Variants in NFIB observed in about 807,000 individuals in gnomAD.
NFIB encodes nuclear factor I B.
Under a neutral mutation model 61.5 loss-of-function variants are expected in NFIB, and 11 were observed. The observed-to-expected ratio is 0.18, with a 90% CI of 0.11 to 0.30. NFIB has a LOEUF of 0.30. NFIB is among the 10% of genes least tolerant of loss of function. The probability of loss-of-function intolerance (pLI) is 1.00; values close to 1 mark genes in which losing one functional copy is unlikely to be tolerated. For missense variants in NFIB, 471 were observed against 608.9 expected (o/e 0.77, Z 2.38); for synonymous variants, 260 against 216.5 (o/e 1.20, Z -1.76).
intron 2 of NFIB, among the ~76,000 whole-genome samples, chr9:14,294,749 G>GCTA (rs1376683906): frequency 6.6e-6 from 1 of 152,136 alleles, no homozygotes; most frequent in East Asian, 1.9e-4. Context: ...AGAACCCCTA[G>GCTA]GTACGTGATA....
chr9:14,513,108 G>C, the NFIB span, among the ~76,000 whole-genome samples: 1 of 151,918 alleles, frequency 6.6e-6, no homozygotes, highest in African/African-American at 2.4e-5. Flanking sequence ...GATGCAGAAA[G>C]TATTCTTTTA....
At chr9:14,436,794 TAGTTC>T in the NFIB span, among the ~76,000 whole-genome samples, 73 of 152,328 alleles carry the variant, frequency 4.8e-4, no homozygotes, top group Non-Finnish European at 7.8e-4. Context: ...GGATCTACTA[TAGTTC>T]AGTTATTTTT....
intron 1 of NFIB, among the ~76,000 whole-genome samples, chr9:14,366,753 G>T (rs2061304817): frequency 6.6e-6 from 1 of 151,940 alleles, no homozygotes; most frequent in African/African-American, 2.4e-5. Context: ...CAAAGTGTTG[G>T]GATTACAGGC....
the NFIB span, among the ~76,000 whole-genome samples, chr9:14,530,944 A>C: frequency 9.4e-3 from 1,438 of 152,282 alleles, 23 homozygotes; most frequent in African/African-American, 0.028. Flanking sequence ...AAAGAAAGTA[A>C]ATGTTCAGAT....
intron 2 of NFIB, among the ~76,000 whole-genome samples, chr9:14,243,446 C>A (rs1395636665): frequency 5.3e-5 from 8 of 152,114 alleles, no homozygotes; most frequent in African/African-American, 1.7e-4. Context: ...TTTTCTTCTA[C>A]CCCGATTCCT....
intron 3 of NFIB, among the ~76,000 whole-genome samples, chr9:14,176,121 AATTATTAAAG>A (rs1405956617): frequency 2.6e-5 from 4 of 152,138 alleles, no homozygotes; most frequent in African/African-American, 9.7e-5. Context: ...TGGAGTTTTT[AATTATTAAAG>A]GTAAAAAGAG....
At chr9:14,448,119 C>T in the NFIB span, among the ~76,000 whole-genome samples, 1 of 152,088 alleles carries the variant, frequency 6.6e-6, no homozygotes, top group Admixed American at 6.5e-5. Context: ...TCGTTCTTTG[C>T]AAACATTATA....
At chr9:14,445,693 C>A in the NFIB span, among the ~76,000 whole-genome samples, 110 of 152,172 alleles carry the variant, frequency 7.2e-4, no homozygotes, top group African/African-American at 2.6e-3. Context: ...TCATTATGTT[C>A]TATTCTTTTG....
At chr9:14,178,687 C>A (rs1048890561) in intron 3 of NFIB, among the ~76,000 whole-genome samples, 11 of 152,144 alleles carry the variant, frequency 7.2e-5, no homozygotes, top group African/African-American at 2.2e-4. Flanking sequence ...ACTTGTATAT[C>A]TACTTGCTGT....
chr9:14,220,566 T>G (rs1587709938), intron 2 of NFIB, among the ~76,000 whole-genome samples: 1 of 152,082 alleles, frequency 6.6e-6, no homozygotes, highest in African/African-American at 2.4e-5. Context: ...CTCTGCTATC[T>G]CTCTGGATGC....
At chr9:14,347,551 C>T (rs1433279226) in intron 1 of NFIB, among the ~76,000 whole-genome samples, 1 of 150,562 alleles carries the variant, frequency 6.6e-6, no homozygotes, top group African/African-American at 2.5e-5. Context: ...AGTGCTGGGG[C>T]GGGTGTGGAG....
chr9:14,404,033 C>T, the NFIB span, among the ~76,000 whole-genome samples: 4 of 152,060 alleles, frequency 2.6e-5, no homozygotes, highest in African/African-American at 9.7e-5. Flanking sequence ...TGGAGAAAAC[C>T]TGAAAAATAA....
chr9:14,361,294 T>C (rs1042328954), intron 1 of NFIB: 2 of 151,868 alleles, frequency 1.3e-5, no homozygotes, highest in African/African-American at 4.8e-5. Context: ...CTTTTGAGGA[T>C]TGCTTTTTGC....
intron 5 of NFIB, among the ~76,000 whole-genome samples, chr9:14,148,562 C>T (rs2042537178): frequency 6.6e-6 from 1 of 152,060 alleles, no homozygotes; most frequent in Non-Finnish European, 1.5e-5. Flanking sequence ...AAATCATATA[C>T]ATAAACCAAT....
In NFIB at chr9:14,204,481, T is replaced by A. The variant is rs566073165; in HGVS notation, c.563-24701A>T. 4 of 1,039,526 alleles carry A rather than the reference T, an allele frequency of 3.8e-6. No individual in the cohort carries two copies. In the South Asian group the frequency reaches 5.0e-5, roughly 13 times the overall value. The allele number at this position is 1,039,526 out of a possible 1,614,324, so 64.4% of individuals were successfully genotyped here. A position where few individuals can be genotyped will look rare whatever the true frequency, so the allele number is the denominator to read the frequency against. On this transcript the variant is annotated intron_variant, in intron 2 of 10. Transcript: ENST00000380953. ...TCTATAAGCGACTGAAAATGCCTCC[T>A]GCGATTAACCAGTTCACCCAGGACC... is the stretch of plus-strand genomic sequence containing the variant.
the NFIB span, among the ~76,000 whole-genome samples, chr9:14,425,668 C>T: frequency 2.3e-5 from 3 of 128,976 alleles, no homozygotes; most frequent in Non-Finnish European, 4.7e-5. Context: ...CACTTAATCT[C>T]GAGGTATTTG....
At chr9:14,146,838 G>A in intron 5 of NFIB, 31 bp from the exon 6 acceptor site, 1 of 1,594,158 alleles carries the variant, frequency 6.3e-7, no homozygotes, top group South Asian at 1.2e-5. Context: ...TTATATTAAT[G>A]GGATTTCTGG....
At position 14,082,678 on chromosome 9, in the gene NFIB, TTTG is replaced by T. The variant is rs1261239865; in HGVS notation, c.*5628_*5630del. 1.1e-4 allele frequency: 22 copies of T among 200,010 alleles called. No individual in the cohort carries two copies. The highest frequency in any genetic ancestry group is 1.6e-3 in the Middle Eastern group (1 of 612). 12.4% of individuals were successfully genotyped at this position (200,010 alleles called of 1,614,324 possible). A position where few individuals can be genotyped will look rare whatever the true frequency, so the allele number is the denominator to read the frequency against. ...GTAAACATTTTGCTGGTTTTTTTTT[TTTG>T]TTTGTTTCTTTCTTGTTTTGCATCA... On this transcript the variant is annotated 3_prime_UTR_variant, in exon 11 of 11. Transcript: ENST00000380953.
the NFIB span, among the ~76,000 whole-genome samples, chr9:14,517,610 T>C: frequency 8.8e-5 from 13 of 147,146 alleles, no homozygotes; most frequent in Non-Finnish European, 9.1e-5. Context: ...TGGTGTGTGG[T>C]AGCGGTGGTC....
Sources: gnomAD v4.1 joint callset for allele counts (sites outside exome capture counted in the v4.1 genomes callset) on GRCh38, gnomAD v4.1.1 for gene constraint, MANE v1.5 for transcripts, NCBI Gene and HGNC (gene_info 2026-07-23, HGNC 2026-07-21) for gene names.